The following BTD variants were observed in gnomAD, a reference collection of about 807,000 sequenced individuals.
BTD encodes biocytinase.
BTD carries 13 observed loss-of-function variants against 17.7 expected under a neutral mutation model. The ratio of observed to expected loss-of-function variants is 0.74; its 90% CI spans 0.48 to 1.17. The LOEUF is 1.17. BTD is among the 50% of genes most tolerant of loss of function. BTD has a pLI of 0.00. For synonymous variants in BTD, 240 were observed against 245.2 expected (o/e 0.98, Z 0.20); for missense variants, 674 against 650.4 (o/e 1.04, Z -0.39).
At position 15,649,011 on chromosome 3, in the gene BTD, C is replaced by A. The variant is rs1478982920; in HGVS notation, c.*3523C>A. On this transcript the variant is annotated 3_prime_UTR_variant, in exon 4 of 4. Coordinates refer to ENST00000643237, the MANE Select transcript of BTD (RefSeq NM_001370658.1). Reference sequence around the variant, plus strand: ...TGCAGGTTTCAGAAGAAGCATGGCTCTGCCAACACCTTGATTTTGGATTTC... The same window carrying A: ...TGCAGGTTTCAGAAGAAGCATGGCTATGCCAACACCTTGATTTTGGATTTC... Among the ~76,000 whole-genome samples, 1 of 152,226 alleles carries A rather than the reference C, an allele frequency of 6.6e-6. No individual in the cohort carries two copies. Among genetic ancestry groups the A allele is most frequent in the Non-Finnish European group, 1.5e-5 (1 of 68,044 alleles).
intron 4 of BTD, chr3:15,720,922 T>A (rs1416368294): frequency 6.2e-7 from 1 of 1,613,006 alleles, no homozygotes; most frequent in Non-Finnish European, 8.5e-7. Context: ...TACCTTCATA[T>A]TGACATCGGC....
chr3:15,603,428 C>T (rs977785598), intron 1 of BTD, among the ~76,000 whole-genome samples: 68 of 152,248 alleles, frequency 4.5e-4, no homozygotes, highest in African/African-American at 1.4e-3. Context: ...GAGGCCGAGG[C>T]GGGCGGATCA....
chr3:15,626,389 A>G lies in BTD; in HGVS notation c.-16-9035A>G, dbSNP rs74917439. ...TAATGCTGAGGAATGTTGCACCTAC[A>G]ACTATCATGGAAGACGCTGAAACCT... On this transcript the variant is annotated intron_variant, in intron 1 of 3. Coordinates refer to ENST00000643237, the MANE Select transcript of BTD (RefSeq NM_001370658.1). 4.5e-3 allele frequency among the ~76,000 whole-genome samples: 683 copies of G among 152,304 alleles called. 6 individuals are homozygous for G. Among genetic ancestry groups the G allele is most frequent in the South Asian group, 0.015 (71 of 4,822 alleles).
intron 3 of BTD, among the ~76,000 whole-genome samples, chr3:15,683,365 A>C (rs917541362): frequency 2.8e-4 from 43 of 152,284 alleles, no homozygotes; most frequent in African/African-American, 1.0e-3. Flanking sequence ...ATCAAACATC[A>C]ATGGCAAAAT....
intron 3 of BTD, among the ~76,000 whole-genome samples, chr3:15,665,209 G>A (rs1382850857): frequency 6.6e-6 from 1 of 152,120 alleles, no homozygotes; most frequent in Non-Finnish European, 1.5e-5. Context: ...GTGCTGGAGA[G>A]GGAGAGATGG....
chr3:15,706,660 G>C (rs1233551465), intron 3 of BTD, among the ~76,000 whole-genome samples: 2 of 152,054 alleles, frequency 1.3e-5, no homozygotes, highest in African/African-American at 2.4e-5. Context: ...TTGATGAATC[G>C]CCACACTGTC....
intron 3 of BTD, among the ~76,000 whole-genome samples, chr3:15,661,319 T>A (rs1370687672): frequency 1.4e-5 from 2 of 146,972 alleles, no homozygotes; most frequent in South Asian, 2.2e-4. Context: ...CTCCTCCACA[T>A]CCACACTAGC....
intron 3 of BTD, chr3:15,694,672 C>G: frequency 7.1e-7 from 1 of 1,406,934 alleles, no homozygotes; most frequent in South Asian, 1.2e-5. Flanking sequence ...TGAGTCAACA[C>G]AAATAGGTTA....
intron 1 of BTD, chr3:15,606,464 CAG>C (rs2064457263): frequency 6.6e-6 from 1 of 152,294 alleles, no homozygotes; most frequent in East Asian, 1.9e-4. Flanking sequence ...TTGACATTGA[CAG>C]AACAAGCTGT....
chr3:15,696,060 T>C (rs2069503384), intron 3 of BTD: 2 of 1,022,124 alleles, frequency 2.0e-6, no homozygotes, highest in Non-Finnish European at 1.4e-6. Flanking sequence ...CCTTGATCCA[T>C]TTATTCTCAT....
At chr3:15,719,531 CTT>C (rs1236117848) in intron 4 of BTD, among the ~76,000 whole-genome samples, 1 of 152,094 alleles carries the variant, frequency 6.6e-6, no homozygotes, top group East Asian at 1.9e-4. Flanking sequence ...CATGTGCTCT[CTT>C]ATAAAATTAT....
chr3:15,681,496 G>A (rs1187205386), intron 3 of BTD, among the ~76,000 whole-genome samples: 12 of 151,998 alleles, frequency 7.9e-5, no homozygotes, highest in Admixed American at 7.2e-4. Context: ...ATAAAATGTT[G>A]CTTATTTTAT....
Position 15,661,163 on chromosome 3 carries a change from G to A in BTD, c.399+19106G>A, listed in dbSNP as rs554210261. Among the ~76,000 whole-genome samples, 354 of 151,576 alleles carry A rather than the reference G, an allele frequency of 2.3e-3. 4 individuals carry two copies. The highest frequency in any genetic ancestry group is 9.6e-4 in the Non-Finnish European group (65 of 67,936). On this transcript the variant is annotated intron_variant, in intron 3 of 3. Transcript: ENST00000672141. ...TGCCTGTAATCCCAGCTACTCGGGA[G>A]GCTGAGGCAGGAGAATCACTTGAAC...
At position 15,644,463 on chromosome 3, in the gene BTD, A is replaced by C. The variant is rs1257124004; in HGVS notation, c.547A>C (p.Asn183His). ...CAACACAAATGTCGTGTTCAGCAAT[A>C]ATGGAACCCTTGTTGACCGCTACCG... ...QFNTNVVFSN[N>H]GTLVDRYRKH... The change falls in exon 4 of 4, where the codon AAT becomes CAT. Residue 183 changes from asparagine to histidine, a missense_variant. Asn to His is a moderately conservative substitution (Grantham distance 68). Transcript: ENST00000643237. 1 of 1,613,936 alleles carries C rather than the reference A, an allele frequency of 6.2e-7. No individual in the cohort carries two copies. The highest frequency in any genetic ancestry group is 1.3e-5 in the African/African-American group (1 of 74,872).
In BTD at chr3:15,651,939, G is replaced by A. The variant is rs116367195; in HGVS notation, c.*6451G>A. On this transcript the variant is annotated 3_prime_UTR_variant, in exon 4 of 4. Coordinates refer to ENST00000643237, the MANE Select transcript of BTD (RefSeq NM_001370658.1). Reference sequence around the variant, plus strand: ...CAGTGCTCCCCACCTGCTGGTATCCGTTGTACAACACTTCCCACATTTTTC... The same window carrying A: ...CAGTGCTCCCCACCTGCTGGTATCCATTGTACAACACTTCCCACATTTTTC... Among the ~76,000 whole-genome samples, 1,333 of 152,288 alleles carry A rather than the reference G, an allele frequency of 8.8e-3. 20 individuals carry two copies. Among genetic ancestry groups the A allele is most frequent in the African/African-American group, 0.031 (1,273 of 41,552 alleles).
intron 3 of BTD, among the ~76,000 whole-genome samples, chr3:15,689,434 C>G (rs971644815): frequency 6.6e-6 from 1 of 152,228 alleles, no homozygotes; most frequent in African/African-American, 2.4e-5. Flanking sequence ...GCCACTGCCC[C>G]CTGAGGGGCC....
chr3:15,644,398 G>T lies in BTD; in HGVS notation c.482G>T (p.Ser161Ile). ...CTTGGGACAAAGGAGCCTTGTCATA[G>T]CAGTGACCCAAGGTGCCCAAAAGAT... ...ANLGTKEPCH[S>I]SDPRCPKDGR... Residue 161 changes from serine (S) to isoleucine (I), a missense_variant, in exon 4 of 4, where the codon AGC becomes ATC. Coordinates refer to ENST00000643237, the MANE Select transcript of BTD (RefSeq NM_001370658.1). 1 of 1,614,128 alleles carries T rather than the reference G, an allele frequency of 6.2e-7. No individual in the cohort carries two copies. Among genetic ancestry groups the T allele is most frequent in the South Asian group, 1.1e-5 (1 of 91,080 alleles).
chr3:15,693,429 T>A (rs113328409), intron 3 of BTD, among the ~76,000 whole-genome samples: 1 of 10 alleles, frequency 0.1, no homozygotes, highest in African/African-American at 0.25. Flanking sequence ...AAGGGTGGGG[T>A]AGAATACAAA....
rs1001959381 is a variant in BTD at position 15,641,955 on chromosome 3, C to T, written c.297C>T (p.Asn99=). The part of the protein sequence containing the change: ...VFPEDGIHGF[N]FTRTSIYPFL... The stretch of plus-strand genomic sequence containing the variant: ...CAGAAGATGGCATTCATGGATTCAA[C>T]TTTACAAGAACATCCATTTATCCAT... Residue 99 remains asparagine, a synonymous_variant, in exon 3 of 4, where the codon AAC becomes AAT. Coordinates refer to ENST00000643237, the MANE Select transcript of BTD (RefSeq NM_001370658.1). The T allele has an allele frequency of 6.2e-7, 1 of 1,613,938 alleles. No individual in the cohort carries two copies. The highest frequency in any genetic ancestry group is 8.5e-7 in the Non-Finnish European group (1 of 1,179,904).
Sources: allele counts gnomAD v4.1 joint callset (sites outside exome capture counted in the v4.1 genomes callset), GRCh38; gene constraint gnomAD v4.1.1; transcripts MANE v1.5; gene names NCBI Gene and HGNC (gene_info 2026-07-23, HGNC 2026-07-21).